Variants in PARD3B observed in about 807,000 individuals in gnomAD.
PARD3B encodes the protein par-3 family cell polarity regulator beta.
A neutral mutation model predicts 130.2 loss-of-function variants in PARD3B; 103 were observed. The ratio of observed to expected loss-of-function variants is 0.79; its 90% confidence interval spans 0.67 to 0.93. PARD3B has a LOEUF of 0.93. Ranked by LOEUF, PARD3B falls within the 40% of genes least tolerant of loss-of-function variation. PARD3B has a pLI of 0.00. For missense variants in PARD3B, 1,609 were observed against 1,499.2 expected, an observed-to-expected ratio of 1.07 and a Z score of -1.21; for synonymous variants, 583 against 553.2, an observed-to-expected ratio of 1.05 and a Z score of -0.76.
intron 19 of PARD3B, among the ~76,000 whole-genome samples, chr2:205,409,264 TG>T (rs1252029842): frequency 3.3e-5 from 5 of 152,080 alleles, no homozygotes; most frequent in Non-Finnish European, 5.9e-5. Context: ...TTTCCTAGAA[TG>T]AGAATTAAAA....
At chr2:204,583,623 A>T (rs1307836296) in intron 1 of PARD3B, among the ~76,000 whole-genome samples, 8 of 73,314 alleles carry the variant, frequency 1.1e-4, no homozygotes, top group South Asian at 4.5e-4. Context: ...CTTAAAGTAT[A>T]AAAAAAAAAA....
At chr2:204,722,265 G>A (rs1392021589) in intron 2 of PARD3B, among the ~76,000 whole-genome samples, 1 of 152,104 alleles carries the variant, frequency 6.6e-6, no homozygotes, top group Non-Finnish European at 1.5e-5. Flanking sequence ...TGCTTCATTG[G>A]TCAAGATGTT....
intron 22 of PARD3B, among the ~76,000 whole-genome samples, chr2:205,557,963 G>A (rs571723104): frequency 5.0e-4 from 76 of 152,246 alleles, no homozygotes; most frequent in Non-Finnish European, 7.2e-4. Context: ...CCCACTGTGT[G>A]GAGAAGAGGA....
At chr2:205,410,607 C>T (rs1479279662) in intron 19 of PARD3B, among the ~76,000 whole-genome samples, 3 of 152,054 alleles carry the variant, frequency 2.0e-5, no homozygotes, top group Non-Finnish European at 4.4e-5. Context: ...GTTTAGTGAA[C>T]CCAGAATATT....
intron 18 of PARD3B, among the ~76,000 whole-genome samples, chr2:205,393,326 T>G (rs2045921365): frequency 6.6e-6 from 1 of 152,222 alleles, no homozygotes; most frequent in Non-Finnish European, 1.5e-5. Context: ...TAAGGAGCTA[T>G]CATGCCTAGT....
At chr2:204,627,040 G>A (rs1174290545) in intron 1 of PARD3B, among the ~76,000 whole-genome samples, 1 of 152,122 alleles carries the variant, frequency 6.6e-6, no homozygotes, top group African/African-American at 2.4e-5. Context: ...GTTCTCATGA[G>A]ATGTGGTGGT....
intron 3 of PARD3B, among the ~76,000 whole-genome samples, chr2:204,993,773 T>C (rs1176005360): frequency 6.9e-6 from 1 of 144,240 alleles, no homozygotes; most frequent in Non-Finnish European, 1.5e-5. Flanking sequence ...TATTGGTCTA[T>C]TCAGAGATTC....
rs1262203833 is a variant in PARD3B, at chr2:204,887,276, A to C, written c.223-77876A>C. Among the ~76,000 whole-genome samples the C allele has an allele frequency of 6.6e-6, 1 of 152,206 alleles. No homozygotes were observed. Among genetic ancestry groups the C allele is most frequent in the African/African-American group, 2.4e-5 (1 of 41,456 alleles). ...CCAATTAAACACAATCTTCCAAAAC[A>C]ATGTGATTATTTTCATTTAAGCCTA... On this transcript the variant is annotated intron_variant, in intron 2 of 22. Coordinates refer to ENST00000406610, the MANE Select transcript of PARD3B (RefSeq NM_001302769.2). The surrounding 1 kb of genome is among the most constrained non-coding windows in gnomAD (Gnocchi z 4.2).
chr2:205,487,225 T>C (rs1313294894), intron 20 of PARD3B, among the ~76,000 whole-genome samples: 2 of 152,206 alleles, frequency 1.3e-5, no homozygotes, highest in African/African-American at 4.8e-5. Context: ...AGGGTCGAGC[T>C]CCTAATCACA....
At chr2:204,995,456 A>T (rs1694088328) in intron 3 of PARD3B, among the ~76,000 whole-genome samples, 1 of 149,764 alleles carries the variant, frequency 6.7e-6, no homozygotes, top group African/African-American at 2.5e-5. Flanking sequence ...ATCCACTGTT[A>T]GTCTGATGGG....
rs1359077209 is a variant in PARD3B at position 205,591,853 on chromosome 2, CA to C, written c.3261-23600del. 8.5e-5 allele frequency among the ~76,000 whole-genome samples: 13 copies of C among 152,264 alleles called. No individual in the cohort carries two copies. Among genetic ancestry groups the C allele is most frequent in the African/African-American group, 3.1e-4 (13 of 41,548 alleles). On this transcript the variant is annotated intron_variant, in intron 22 of 22. Transcript: ENST00000406610. This position sits in a 1 kb window ranked among gnomAD's most constrained non-coding sequence, Gnocchi z 4.2. Reference sequence around the variant, plus strand: ...CAATGTCCTCACAGGCAGAGGAGAGCAAAGCCTGAGAAAGAATCTCATAAAA... The same window carrying C: ...CAATGTCCTCACAGGCAGAGGAGAGCAAGCCTGAGAAAGAATCTCATAAAA...
Position 205,142,098 on chromosome 2 carries a change from TG to T in PARD3B, c.1434+16362del, listed in dbSNP as rs1483865148. 6.6e-6 allele frequency among the ~76,000 whole-genome samples: 1 copy of T among 152,126 alleles called. No individual in the cohort carries two copies. The highest frequency in any genetic ancestry group is 2.4e-5 in the African/African-American group (1 of 41,414). On this transcript the variant is annotated intron_variant, in intron 10 of 22. Transcript: ENST00000406610. This position sits in a 1 kb window ranked among gnomAD's most constrained non-coding sequence, Gnocchi z 4.3. ...AATAATAAATAACCATGATATAACG[TG>T]ATTAGTGCTATGCTTTTATTATGTA...
At chr2:205,282,138 A>G (rs1445744204) in intron 16 of PARD3B, among the ~76,000 whole-genome samples, 1 of 152,214 alleles carries the variant, frequency 6.6e-6, no homozygotes, top group Non-Finnish European at 1.5e-5. Context: ...TCCAAGATAT[A>G]AAAGGATATT....
At chr2:204,786,899 CTA>C (rs1185775359) in intron 2 of PARD3B, among the ~76,000 whole-genome samples, 1 of 151,806 alleles carries the variant, frequency 6.6e-6, no homozygotes, top group African/African-American at 2.4e-5. Context: ...ATCAATAAAA[CTA>C]AAAAGCATTT....
At chr2:205,035,701 A>G (rs1319630722) in intron 3 of PARD3B, among the ~76,000 whole-genome samples, 1 of 149,786 alleles carries the variant, frequency 6.7e-6, no homozygotes, top group Non-Finnish European at 1.5e-5. Context: ...TATATGCAGA[A>G]TTGTTTGTGA....
intron 20 of PARD3B, among the ~76,000 whole-genome samples, chr2:205,491,840 C>G (rs1357323590): frequency 2.0e-5 from 3 of 152,130 alleles, no homozygotes; most frequent in Non-Finnish European, 4.4e-5. Flanking sequence ...AGGTCGGGAG[C>G]CCAGATAAGC....
rs369532365 is a variant in PARD3B, at chr2:205,105,364, C to T, written c.593+850C>T. ...TTGTTCTAATCATCATTTTGTTTAA[C>T]GCACTTCAAATTTGGCATAAGGAAA... On this transcript the variant is annotated intron_variant, in intron 5 of 22. Coordinates refer to ENST00000406610, the MANE Select transcript of PARD3B (RefSeq NM_001302769.2). The surrounding 1 kb of genome is among the most constrained non-coding windows in gnomAD (Gnocchi z 4.0). 6.6e-5 allele frequency among the ~76,000 whole-genome samples: 10 copies of T among 152,190 alleles called. No homozygotes were observed. Among genetic ancestry groups the T allele is most frequent in the South Asian group, 4.2e-4 (2 of 4,818 alleles).
Position 205,615,853 on chromosome 2 carries a change from T to A in PARD3B, c.*40T>A. ...GGCCAGCCCGGTCCAGAAAGGAAGG[T>A]GTCTACTCTACCTTTGCCCTTTCTA... On this transcript the variant is annotated 3_prime_UTR_variant, in exon 23 of 23. Transcript: ENST00000406610. The A allele has an allele frequency of 6.6e-7, 1 of 1,520,680 alleles. No individual in the cohort carries two copies. Among genetic ancestry groups the A allele is most frequent in the Non-Finnish European group, 9.0e-7 (1 of 1,113,382 alleles). 94.2% of individuals were successfully genotyped at this position (1,520,680 alleles called of 1,614,324 possible). A position where few individuals can be genotyped will look rare whatever the true frequency, so the allele number is the denominator to read the frequency against.
chr2:205,138,328 T>C (rs1027671859), intron 10 of PARD3B, among the ~76,000 whole-genome samples: 4 of 152,156 alleles, frequency 2.6e-5, no homozygotes, highest in Non-Finnish European at 5.9e-5. Context: ...ACCTAAAACA[T>C]TGTGGCTCTT....
Sources: allele counts gnomAD v4.1 joint callset (sites outside exome capture counted in the v4.1 genomes callset), GRCh38; gene constraint gnomAD v4.1.1; non-coding constraint Gnocchi (gnomAD v3.1); transcripts MANE v1.5; gene names NCBI Gene and HGNC (gene_info 2026-07-23, HGNC 2026-07-21).